Variants in OXR1 observed in about 807,000 individuals in gnomAD.
OXR1 encodes oxidation resistance 1, also known as oxidation resistance protein 1.
A neutral mutation model predicts 104.6 loss-of-function variants in OXR1; 41 were observed. The ratio of observed to expected loss-of-function variants is 0.39; its 90% CI spans 0.31 to 0.51. OXR1 has a LOEUF of 0.51. Ranked by LOEUF, OXR1 falls within the 20% of genes least tolerant of loss-of-function variation. The probability of loss-of-function intolerance (pLI) is 0.77; values close to 1 mark genes in which losing one functional copy is unlikely to be tolerated. For synonymous variants in OXR1, 348 were observed against 348.4 expected (o/e 1.00, Z 0.01); for missense variants, 955 against 1,031.9 (o/e 0.93, Z 1.02).
In OXR1 at chr8:106,599,827, C is replaced by T. The variant is rs1378833315; in HGVS notation, c.221-79383C>T. ...ACCAGAGAGACAATTTTTCCAGGGA[C>T]CTGGGGTAGGGGTGTTGGGGGTTGG... On this transcript the variant is annotated intron_variant, in intron 3 of 16. Transcript: ENST00000517566. Among the ~76,000 whole-genome samples the T allele has an allele frequency of 2.6e-5, 4 of 152,082 alleles. No individual in the cohort carries two copies. The East Asian group carries it at 7.7e-4, about 29-fold the overall frequency.
chr8:106,424,803 A>G (rs1048166818), intron 2 of OXR1, among the ~76,000 whole-genome samples: 1 of 152,034 alleles, frequency 6.6e-6, no homozygotes, highest in Non-Finnish European at 1.5e-5. Flanking sequence ...TTTTAATTTG[A>G]GGAGTTAAAA....
chr8:106,438,470 A>C (rs1418299619), intron 2 of OXR1, among the ~76,000 whole-genome samples: 1 of 152,154 alleles, frequency 6.6e-6, no homozygotes, highest in Non-Finnish European at 1.5e-5. Context: ...GAACTAAATA[A>C]AACATAATTA....
chr8:106,647,794 C>T (rs576003547), intron 3 of OXR1, among the ~76,000 whole-genome samples: 26 of 152,258 alleles, frequency 1.7e-4, no homozygotes, highest in African/African-American at 6.0e-4. Flanking sequence ...ATGCCCAACC[C>T]TAACATTTCT....
chr8:106,567,061 C>T (rs1817131944), intron 3 of OXR1, among the ~76,000 whole-genome samples: 1 of 151,984 alleles, frequency 6.6e-6, no homozygotes, highest in African/African-American at 2.4e-5. Flanking sequence ...GCTTGTATAC[C>T]TATGTAAAAA....
chr8:106,675,864 C>T (rs1458637313), intron 3 of OXR1, among the ~76,000 whole-genome samples: 1 of 152,100 alleles, frequency 6.6e-6, no homozygotes, highest in Non-Finnish European at 1.5e-5. Context: ...TCTCAGTGAT[C>T]TGTCTAATAT....
chr8:106,281,102 G>T (rs950301119), intron 1 of OXR1, among the ~76,000 whole-genome samples: 3 of 151,998 alleles, frequency 2.0e-5, no homozygotes, highest in African/African-American at 4.8e-5. Flanking sequence ...GAAACTATAG[G>T]GCCCACGGTT....
At chr8:106,678,412 T>C (rs1827812456) in intron 3 of OXR1, among the ~76,000 whole-genome samples, 1 of 152,090 alleles carries the variant, frequency 6.6e-6, no homozygotes, top group Admixed American at 6.6e-5. Flanking sequence ...TGTAGCATTT[T>C]GCCATGTTTA....
Position 106,300,919 on chromosome 8 carries a change from T to C in OXR1, c.-139+30552T>C, listed in dbSNP as rs369154845. 7.9e-5 allele frequency among the ~76,000 whole-genome samples: 12 copies of C among 152,352 alleles called. No homozygotes were observed. In the East Asian group the frequency reaches 2.1e-3, roughly 27 times the overall value. On this transcript the variant is annotated intron_variant, in intron 1 of 16. Transcript: ENST00000517566. Reference sequence around the variant, plus strand: ...TGCAGAAATTAGTTGGACAATGTTCTTCTTTTTCCCAACTCTTTTTCATTT... The same window carrying C: ...TGCAGAAATTAGTTGGACAATGTTCCTCTTTTTCCCAACTCTTTTTCATTT...
At chr8:106,564,700 A>G (rs1471014677) in intron 3 of OXR1, among the ~76,000 whole-genome samples, 2 of 152,224 alleles carry the variant, frequency 1.3e-5, no homozygotes, top group African/African-American at 4.8e-5. Flanking sequence ...TTACAGGCCA[A>G]TATCCCTGAT....
chr8:106,698,005 G>C, intron 7 of OXR1: 23 of 1,612,546 alleles, frequency 1.4e-5, no homozygotes, highest in Non-Finnish European at 1.9e-5. Flanking sequence ...CAGGTCCCCT[G>C]TTGGCCATTC....
chr8:106,727,354 T>C (rs117778594), intron 11 of OXR1, among the ~76,000 whole-genome samples: 2 of 152,362 alleles, frequency 1.3e-5, no homozygotes, highest in Non-Finnish European at 2.9e-5. Flanking sequence ...TAGGTCAATC[T>C]AATTAATGTG....
In OXR1 at chr8:106,519,154, T is replaced by C. The variant is rs1334771176; in HGVS notation, c.220+15T>C. 1 of 1,530,956 alleles carries C rather than the reference T, an allele frequency of 6.5e-7. No homozygotes were observed. Among genetic ancestry groups the C allele is most frequent in the South Asian group, 1.2e-5 (1 of 83,166 alleles). The allele number at this position is 1,530,956 out of a possible 1,614,324, so 94.8% of individuals were successfully genotyped here. ...CTACACAATTGGTGAGCACCAGATG[T>C]TTTATGCAAGTGAATAGATGAAATC... On this transcript the variant is annotated intron_variant, in intron 3 of 16. Coordinates refer to ENST00000517566, the MANE Select transcript of OXR1 (RefSeq NM_001198533.2).
At chr8:106,581,895 G>C (rs577362589) in intron 3 of OXR1, among the ~76,000 whole-genome samples, 1 of 151,402 alleles carries the variant, frequency 6.6e-6, no homozygotes, top group South Asian at 2.1e-4. Context: ...GTGGTGGCAG[G>C]TGCTTGTAAT....
Position 106,706,911 on chromosome 8 carries a change from C to A in OXR1, c.1390C>A (p.Gln464Lys). 1.2e-6 allele frequency: 2 copies of A among 1,611,992 alleles called. No homozygotes were observed. Among genetic ancestry groups the A allele is most frequent in the South Asian group, 2.2e-5 (2 of 90,546 alleles). ...GAATTCGTTACACCAAGAAGAGAGT[C>A]AAAAAGAAAATATGCCTTGTGGGGA... ...HENSLHQEESQKENMPCGETA... is the reference protein window; with the variant it reads ...HENSLHQEESKKENMPCGETA... The change falls in exon 9 of 17, where the codon CAA becomes AAA. Residue 464 changes from glutamine to lysine, a missense_variant. This residue lies in a region of OXR1 where 849 missense variants were observed against 852.9 expected (regional missense o/e 1.00). Coordinates refer to ENST00000517566, the MANE Select transcript of OXR1 (RefSeq NM_001198533.2).
intron 2 of OXR1, among the ~76,000 whole-genome samples, chr8:106,469,877 G>C (rs1821391106): frequency 6.6e-6 from 1 of 151,828 alleles, no homozygotes; most frequent in South Asian, 2.1e-4. Context: ...CATTGAAGAA[G>C]GTGAGTTTAA....
chr8:106,322,084 G>T (rs770936332), intron 1 of OXR1, among the ~76,000 whole-genome samples: 1 of 152,094 alleles, frequency 6.6e-6, no homozygotes, highest in Non-Finnish European at 1.5e-5. Context: ...CAACAAGAGG[G>T]GCATTGCTTT....
At chr8:106,720,422 A>G (rs1322736019) in intron 11 of OXR1, among the ~76,000 whole-genome samples, 2 of 152,178 alleles carry the variant, frequency 1.3e-5, no homozygotes, top group Admixed American at 6.5e-5. Flanking sequence ...ATACAATATT[A>G]AGACTGTGGA....
intron 11 of OXR1, chr8:106,729,988 G>GT (rs1308701065): frequency 1.3e-5 from 2 of 151,770 alleles, no homozygotes; most frequent in African/African-American, 4.9e-5. Context: ...CTGTCTGTGT[G>GT]TTTTTTCTCA....
intron 1 of OXR1, among the ~76,000 whole-genome samples, chr8:106,346,324 A>G (rs1022946192): frequency 6.6e-6 from 1 of 152,184 alleles, no homozygotes; most frequent in Non-Finnish European, 1.5e-5. Context: ...ACTTGTGTAA[A>G]TCTGAACAGC....
Sources: gnomAD v4.1 joint callset for allele counts (sites outside exome capture counted in the v4.1 genomes callset) on GRCh38, gnomAD v4.1.1 for gene constraint, gnomAD v4.1.1 regional missense constraint, MANE v1.5 for transcripts, NCBI Gene and HGNC (gene_info 2026-07-23, HGNC 2026-07-21) for gene names.